Variants in DOK6 observed in about 807,000 individuals in gnomAD.
DOK6 encodes downstream of tyrosine kinase 6.
In DOK6, 22 loss-of-function variants were observed where a neutral mutation model predicts 44.0. The observed-to-expected ratio is 0.50, with a 90% confidence interval of 0.36 to 0.71. The LOEUF (loss-of-function observed/expected upper bound fraction) is 0.71. Among genes scored for constraint, DOK6 ranks in the 30% least tolerant of loss-of-function variants. The pLI is 0.00. For synonymous variants in DOK6, 166 were observed against 145.5 expected (o/e 1.14, Z -1.01); for missense variants, 340 against 416.4 (o/e 0.82, Z 1.60).
intron 1 of DOK6, among the ~76,000 whole-genome samples, chr18:69,528,875 A>T (rs17204373): frequency 6.6e-6 from 1 of 152,292 alleles, no homozygotes; most frequent in East Asian, 1.9e-4. Context: ...TGAAAACAGA[A>T]GTGAATTTTC....
rs948392482 is a variant in DOK6, at chr18:69,847,121, T to A, written c.*5738T>A. On this transcript the variant is annotated 3_prime_UTR_variant, in exon 8 of 8. Transcript: ENST00000382713. ...AAATATTCCCTCTAACAATTCTGTT[T>A]AACTAGTAAGTTTTTTTTAAGTTAT... is the stretch of plus-strand genomic sequence containing the variant. 6.6e-6 allele frequency: 1 copy of A among 152,212 alleles called. No homozygotes were observed. The highest frequency in any genetic ancestry group is 2.4e-5 in the African/African-American group (1 of 41,450). 9.4% of individuals were successfully genotyped at this position (152,212 alleles called of 1,614,324 possible). A position where few individuals can be genotyped will look rare whatever the true frequency, so the allele number is the denominator to read the frequency against.
intron 7 of DOK6, among the ~76,000 whole-genome samples, chr18:69,761,759 G>A (rs1979562499): frequency 6.6e-6 from 1 of 152,152 alleles, no homozygotes; most frequent in Non-Finnish European, 1.5e-5. Context: ...ATATTGAGAG[G>A]ATGGTTTTCC....
intron 4 of DOK6, among the ~76,000 whole-genome samples, chr18:69,697,807 A>T (rs1161885792): frequency 1.3e-5 from 2 of 152,202 alleles, no homozygotes; most frequent in Non-Finnish European, 2.9e-5. Flanking sequence ...TTGCTTACCA[A>T]AGCAATGTCT....
In DOK6 at chr18:69,762,149, G is replaced by GCATA. The variant is rs60739609; in HGVS notation, c.856+4317_856+4320dup. Among the ~76,000 whole-genome samples the GCATA allele has an allele frequency of 7.3e-3, 806 of 110,776 alleles. 3 individuals are homozygous for GCATA. Among genetic ancestry groups the GCATA allele is most frequent in the Middle Eastern group, 0.022 (4 of 182 alleles). 72.7% of individuals were successfully genotyped at this position (110,776 alleles called of 152,430 possible). On this transcript the variant is annotated intron_variant, in intron 7 of 7. Coordinates refer to ENST00000382713, the MANE Select transcript of DOK6 (RefSeq NM_152721.6). ...ATATAGTGAGACTCCATCTCTGCATGCATACATACATACATACATACATAC... is the reference window on the plus strand; with the variant it reads ...ATATAGTGAGACTCCATCTCTGCATGCATACATACATACATACATACATACATAC...
chr18:69,691,026 A>T (rs2144696110), intron 4 of DOK6, among the ~76,000 whole-genome samples: 1 of 152,010 alleles, frequency 6.6e-6, no homozygotes, highest in African/African-American at 2.4e-5. Context: ...CTCTACTAAA[A>T]ATTCAAACAT....
At chr18:69,467,835 A>G (rs1428896135) in intron 1 of DOK6, among the ~76,000 whole-genome samples, 2 of 152,090 alleles carry the variant, frequency 1.3e-5, no homozygotes, top group Admixed American at 1.3e-4. Context: ...TGCTATTTAC[A>G]ATTATTATTA....
intron 6 of DOK6, among the ~76,000 whole-genome samples, chr18:69,751,379 T>C (rs947322288): frequency 2.3e-4 from 35 of 152,242 alleles, no homozygotes; most frequent in African/African-American, 7.7e-4. Flanking sequence ...TGTCAATTTA[T>C]AGTACAGTTA....
chr18:69,836,629 T>C (rs750238242), intron 7 of DOK6, among the ~76,000 whole-genome samples: 9 of 152,358 alleles, frequency 5.9e-5, no homozygotes, highest in Non-Finnish European at 1.2e-4. Flanking sequence ...TTAACAATTT[T>C]ATTGCTTTTA....
chr18:69,616,809 C>T (rs908085794), intron 3 of DOK6, among the ~76,000 whole-genome samples: 5 of 151,976 alleles, frequency 3.3e-5, no homozygotes, highest in East Asian at 3.9e-4. Context: ...ACTAAGCCCT[C>T]GATAATTGGG....
chr18:69,538,021 C>G (rs148088017), intron 1 of DOK6, among the ~76,000 whole-genome samples: 1 of 152,034 alleles, frequency 6.6e-6, no homozygotes, highest in African/African-American at 2.4e-5. Flanking sequence ...CTGTCATGTT[C>G]AATTTGATGC....
chr18:69,713,454 C>T (rs1986813605), intron 5 of DOK6, among the ~76,000 whole-genome samples: 1 of 152,128 alleles, frequency 6.6e-6, no homozygotes, highest in Non-Finnish European at 1.5e-5. Flanking sequence ...TCCAGAGGTT[C>T]CTAACAACTG....
rs968401326 is a variant in DOK6, at chr18:69,791,293, G to A, written c.856+33420G>A. On this transcript the variant is annotated intron_variant, in intron 7 of 7. Coordinates refer to ENST00000382713, the MANE Select transcript of DOK6 (RefSeq NM_152721.6). ...TAGTGGTGGGATTGCTGGATCATGT[G>A]GTAGCTCTACTTTTGGTTCTTTGAG... Among the ~76,000 whole-genome samples, 14 of 152,232 alleles carry A rather than the reference G, an allele frequency of 9.2e-5. No individual in the cohort carries two copies. The South Asian group carries it at 2.9e-3, about 32-fold the overall frequency.
intron 1 of DOK6, among the ~76,000 whole-genome samples, chr18:69,510,328 T>C (rs1024902538): frequency 6.6e-6 from 1 of 152,240 alleles, no homozygotes; most frequent in Non-Finnish European, 1.5e-5. Flanking sequence ...CATTAAGTAA[T>C]GAAAACATCT....
chr18:69,606,858 G>A (rs148441400), intron 3 of DOK6, among the ~76,000 whole-genome samples: 267 of 147,532 alleles, frequency 1.8e-3, no homozygotes, highest in African/African-American at 6.3e-3. Flanking sequence ...CCGCCTCCCA[G>A]GTTCAAGCAA....
chr18:69,704,412 A>G (rs111542504), intron 5 of DOK6, among the ~76,000 whole-genome samples: 1,522 of 151,754 alleles, frequency 0.01, 23 homozygotes, highest in African/African-American at 0.034. Context: ...GCCACTGATT[A>G]TAGCTCAAAG....
chr18:69,612,419 G>GTGCGAGGGCGCATGTC, intron 3 of DOK6, among the ~76,000 whole-genome samples: 1 of 150,842 alleles, frequency 6.6e-6, no homozygotes, highest in Middle Eastern at 3.4e-3. Context: ...GGGCGCATGT[G>GTGCGAGGGCGCATGTC]TGCGAGGGCG....
intron 1 of DOK6, among the ~76,000 whole-genome samples, chr18:69,513,580 G>C (rs1981435114): frequency 6.6e-6 from 1 of 152,178 alleles, no homozygotes; most frequent in Non-Finnish European, 1.5e-5. Flanking sequence ...TTTAAAACTA[G>C]ATTTCACTGT....
intron 1 of DOK6, among the ~76,000 whole-genome samples, chr18:69,425,731 A>C (rs1426877650): frequency 6.6e-6 from 1 of 152,088 alleles, no homozygotes; most frequent in Non-Finnish European, 1.5e-5. Context: ...ATGTTGCATT[A>C]AAATTTAAAA....
chr18:69,833,616 A>G (rs1981962815), intron 7 of DOK6, among the ~76,000 whole-genome samples: 1 of 152,130 alleles, frequency 6.6e-6, no homozygotes, highest in Non-Finnish European at 1.5e-5. Context: ...TAACAAATAA[A>G]TGAGACGACC....
Sources: allele counts gnomAD v4.1 joint callset (sites outside exome capture counted in the v4.1 genomes callset), GRCh38; gene constraint gnomAD v4.1.1; transcripts MANE v1.5; gene names NCBI Gene and HGNC (gene_info 2026-07-23, HGNC 2026-07-21).